SLC4A8: variants seen among roughly 807,000 people sequenced by gnomAD.
SLC4A8 encodes solute carrier family 4 member 8.
In SLC4A8, 40 loss-of-function variants were observed where a neutral mutation model predicts 125.0. The ratio of observed to expected loss-of-function variants is 0.32; its 90% confidence interval spans 0.25 to 0.42. The LOEUF (loss-of-function observed/expected upper bound fraction) is 0.42. Ranked by LOEUF, SLC4A8 falls within the 10% of genes least tolerant of loss-of-function variation. The pLI is 1.00. For synonymous variants in SLC4A8, 456 were observed against 476.0 expected, an observed-to-expected ratio of 0.96 and a Z score of 0.55; for missense variants, 863 against 1,355.1, an observed-to-expected ratio of 0.64 and a Z score of 5.70.
rs145727624 is a variant in SLC4A8, at chr12:51,470,311, G to C, written c.1525-81G>C. Reference sequence around the variant, plus strand: ...AATGGCCATCAAGGCACACAGGAGAGCAAAGTCAGGAATGTAGCTAAGCCA... The same window carrying C: ...AATGGCCATCAAGGCACACAGGAGACCAAAGTCAGGAATGTAGCTAAGCCA... On this transcript the variant is annotated intron_variant, in intron 12 of 24. Coordinates refer to ENST00000453097, the MANE Select transcript of SLC4A8 (RefSeq NM_001039960.3). 14 of 1,383,888 alleles carry C rather than the reference G, an allele frequency of 1.0e-5. No homozygotes were observed. In the African/African-American group the frequency reaches 1.7e-4, roughly 17 times the overall value. The allele number at this position is 1,383,888 out of a possible 1,614,324, so 85.7% of individuals were successfully genotyped here. A position where few individuals can be genotyped will look rare whatever the true frequency, so the allele number is the denominator to read the frequency against.
At chr12:51,410,465 T>A (rs889687263) in intron 1 of SLC4A8, among the ~76,000 whole-genome samples, 5 of 152,132 alleles carry the variant, frequency 3.3e-5, no homozygotes, top group Admixed American at 3.3e-4. Context: ...AATCTCTTTT[T>A]TTTTTTTTGA....
chr12:51,461,179 T>C, intron 8 of SLC4A8, 25 bp from the exon 9 acceptor site: 1 of 1,280,546 alleles, frequency 7.8e-7, no homozygotes, highest in Non-Finnish European at 1.1e-6. Context: ...ACTTACATAA[T>C]TTCCTCCTCT....
intron 1 of SLC4A8, among the ~76,000 whole-genome samples, chr12:51,417,103 A>G (rs1355453854): frequency 7.7e-6 from 1 of 130,012 alleles, no homozygotes; most frequent in African/African-American, 2.6e-5. Flanking sequence ...CCCTGTCTCA[A>G]AAAAAAAAAG....
chr12:51,451,324 C>T (rs1049223290), intron 3 of SLC4A8, among the ~76,000 whole-genome samples: 4 of 152,142 alleles, frequency 2.6e-5, no homozygotes, highest in South Asian at 4.1e-4. Flanking sequence ...CCTTGTGATC[C>T]GGTCTCGATA....
chr12:51,443,335 T>C (rs1049658520), intron 2 of SLC4A8, among the ~76,000 whole-genome samples: 4 of 152,228 alleles, frequency 2.6e-5, no homozygotes, highest in African/African-American at 7.2e-5. Flanking sequence ...TCTGTGTACA[T>C]TGTTAGAAAC....
chr12:51,475,859 G>A (rs1950838790), intron 16 of SLC4A8, among the ~76,000 whole-genome samples: 1 of 152,146 alleles, frequency 6.6e-6, no homozygotes, highest in Non-Finnish European at 1.5e-5. Context: ...ATGGCTACTG[G>A]GACCTCATCA....
chr12:51,510,455 G>A lies in SLC4A8; in HGVS notation c.*3017G>A, dbSNP rs1249581585. The A allele has an allele frequency of 6.6e-6, 1 of 151,640 alleles. No homozygotes were observed. Among genetic ancestry groups the A allele is most frequent in the East Asian group, 1.9e-4 (1 of 5,170 alleles). 9.4% of individuals were successfully genotyped at this position (151,640 alleles called of 1,614,324 possible). A position where few individuals can be genotyped will look rare whatever the true frequency, so the allele number is the denominator to read the frequency against. On this transcript the variant is annotated 3_prime_UTR_variant, in exon 25 of 25. Coordinates refer to ENST00000453097, the MANE Select transcript of SLC4A8 (RefSeq NM_001039960.3). ...AAAAAAAAAAAAAAACTTCCCAATA[G>A]GAGGTATTCCTTGATGGCTCTCGAA...
At chr12:51,499,719 T>G (rs762175649) in intron 22 of SLC4A8, among the ~76,000 whole-genome samples, 76 of 151,832 alleles carry the variant, frequency 5.0e-4, no homozygotes, top group Non-Finnish European at 7.9e-4. Flanking sequence ...GTTACTTTAT[T>G]TAGGATGATT....
At chr12:51,454,400 C>T (rs964948900) in intron 5 of SLC4A8, among the ~76,000 whole-genome samples, 48 of 146,944 alleles carry the variant, frequency 3.3e-4, no homozygotes, top group Non-Finnish European at 5.8e-4. Context: ...TAAGGGGACC[C>T]GGGGAACCAG....
At chr12:51,393,648 A>G (rs1204774564) in intron 1 of SLC4A8, among the ~76,000 whole-genome samples, 1 of 152,232 alleles carries the variant, frequency 6.6e-6, no homozygotes, top group Non-Finnish European at 1.5e-5. Flanking sequence ...GCCCAGCTAC[A>G]CATGATCAGA....
Position 51,424,875 on chromosome 12 carries a change from T to C in SLC4A8, c.-113T>C. 1 of 1,184,420 alleles carries C rather than the reference T, an allele frequency of 8.4e-7. No individual in the cohort carries two copies. Among genetic ancestry groups the C allele is most frequent in the Non-Finnish European group, 1.2e-6 (1 of 835,362 alleles). 73.4% of individuals were successfully genotyped at this position (1,184,420 alleles called of 1,614,324 possible). A position where few individuals can be genotyped will look rare whatever the true frequency, so the allele number is the denominator to read the frequency against. On this transcript the variant is annotated 5_prime_UTR_variant, in exon 1 of 25. Coordinates refer to ENST00000453097, the MANE Select transcript of SLC4A8 (RefSeq NM_001039960.3). ...GGCGGCGGCGGTTGATGGTTGACCGTTGGCTCCGGGGTGGGGGTCGCCGTT... is the reference window on the plus strand; with the variant it reads ...GGCGGCGGCGGTTGATGGTTGACCGCTGGCTCCGGGGTGGGGGTCGCCGTT...
chr12:51,446,654 C>G (rs1949780657), intron 2 of SLC4A8, among the ~76,000 whole-genome samples: 1 of 152,200 alleles, frequency 6.6e-6, no homozygotes, highest in Admixed American at 6.5e-5. Context: ...TTATCAACCT[C>G]CCCATGCCCT....
chr12:51,424,598 A>T, upstream of SLC4A8: 1 of 216,804 alleles, frequency 4.6e-6, no homozygotes, highest in South Asian at 1.0e-4. Flanking sequence ...GGTCAGGTGC[A>T]GCTGCAAATA....
chr12:51,443,864 C>T (rs1949681535), intron 2 of SLC4A8, among the ~76,000 whole-genome samples: 1 of 152,164 alleles, frequency 6.6e-6, no homozygotes. Context: ...TTAGTAGGCC[C>T]AATCTCCATC....
At chr12:51,463,508 C>G (rs1480168696) in intron 10 of SLC4A8, 106 bp from the exon 11 acceptor site, 2 of 718,700 alleles carry the variant, frequency 2.8e-6, no homozygotes, top group Admixed American at 2.4e-5. Context: ...GCTACAAACA[C>G]GGGCATTTTT....
At chr12:51,401,026 C>G (rs1948381418) in intron 1 of SLC4A8, among the ~76,000 whole-genome samples, 1 of 151,468 alleles carries the variant, frequency 6.6e-6, no homozygotes, top group East Asian at 2.0e-4. Flanking sequence ...GGCCCGGCTG[C>G]TGAAATCTCT....
chr12:51,399,405 A>G (rs1325981175), intron 1 of SLC4A8, among the ~76,000 whole-genome samples: 1 of 152,222 alleles, frequency 6.6e-6, no homozygotes, highest in Non-Finnish European at 1.5e-5. Context: ...GATTCTTTCT[A>G]GAAACATAGT....
chr12:51,450,705 CA>C, intron 2 of SLC4A8, 170 bp from the exon 3 acceptor site: 1 of 680,926 alleles, frequency 1.5e-6, no homozygotes, highest in Non-Finnish European at 2.5e-6. Flanking sequence ...CCTTCAACTC[CA>C]AAATCTCTAT....
chr12:51,405,120 C>G (rs1156871962), intron 1 of SLC4A8, among the ~76,000 whole-genome samples: 3 of 152,174 alleles, frequency 2.0e-5, no homozygotes, highest in Admixed American at 6.5e-5. Flanking sequence ...TGGGTGGTGA[C>G]TCACAGTGGG....
Sources: allele counts gnomAD v4.1 joint callset (sites outside exome capture counted in the v4.1 genomes callset), GRCh38; gene constraint gnomAD v4.1.1; transcripts MANE v1.5; gene names NCBI Gene and HGNC (gene_info 2026-07-23, HGNC 2026-07-21).